Variants in TRDN observed in about 807,000 individuals in gnomAD.
TRDN encodes the protein triadin, also known as triadin in skeletal muscle.
A neutral mutation model predicts 149.7 loss-of-function variants in TRDN; 161 were observed. The observed-to-expected ratio is 1.08, with a 90% CI of 0.95 to 1.23. TRDN has a LOEUF of 1.23. TRDN is among the 50% of genes most tolerant of loss of function. The pLI, the probability that TRDN is intolerant of heterozygous loss-of-function variation, is 0.00. For missense variants in TRDN, 896 were observed against 823.5 expected, an observed-to-expected ratio of 1.09 and a Z score of -1.08; for synonymous variants, 294 against 250.5, an observed-to-expected ratio of 1.17 and a Z score of -1.64.
chr6:123,575,185 A>C (rs1057268718), intron 1 of TRDN, among the ~76,000 whole-genome samples: 1 of 151,900 alleles, frequency 6.6e-6, no homozygotes, highest in African/African-American at 2.4e-5. Flanking sequence ...ATATGTTCTG[A>C]GTATACAACC....
chr6:123,258,225 G>C (rs1168175751), intron 35 of TRDN, among the ~76,000 whole-genome samples: 1 of 152,140 alleles, frequency 6.6e-6, no homozygotes, highest in Non-Finnish European at 1.5e-5. Context: ...CTTTCAAAGG[G>C]AATGCTTCCA....
intron 5 of TRDN, chr6:123,529,061 C>G: frequency 1.4e-6 from 2 of 1,421,460 alleles, no homozygotes; most frequent in Non-Finnish European, 1.8e-6. Flanking sequence ...TCTTTGACAT[C>G]AGAATTCTAA....
chr6:123,498,385 G>C (rs1778538669), intron 8 of TRDN: 1 of 315,142 alleles, frequency 3.2e-6, no homozygotes, highest in Non-Finnish European at 6.6e-6. Flanking sequence ...AATTCTGTTA[G>C]GTCTTTAAAA....
chr6:123,252,699 C>G (rs1235262712), intron 37 of TRDN, among the ~76,000 whole-genome samples: 1 of 152,068 alleles, frequency 6.6e-6, no homozygotes, highest in Non-Finnish European at 1.5e-5. Context: ...CAGCTCACTG[C>G]AGCCTCAAAT....
chr6:123,578,776 C>T (rs1217936218), intron 1 of TRDN, among the ~76,000 whole-genome samples: 2 of 152,062 alleles, frequency 1.3e-5, no homozygotes, highest in Non-Finnish European at 2.9e-5. Flanking sequence ...TTATTTTTAT[C>T]CGTGAGCATG....
At chr6:123,604,366 A>G (rs1784422355) in intron 1 of TRDN, among the ~76,000 whole-genome samples, 3 of 152,250 alleles carry the variant, frequency 2.0e-5, no homozygotes, top group Admixed American at 2.0e-4. Context: ...CCGGAGGCAA[A>G]GACACTTGTA....
intron 39 of TRDN, among the ~76,000 whole-genome samples, chr6:123,222,725 T>G (rs1316323155): frequency 6.6e-6 from 1 of 151,690 alleles, no homozygotes; most frequent in East Asian, 1.9e-4. Flanking sequence ...AAATACTTTT[T>G]TTTTATATGC....
At chr6:123,239,175 A>G (rs906751296) in intron 38 of TRDN, among the ~76,000 whole-genome samples, 14 of 152,222 alleles carry the variant, frequency 9.2e-5, no homozygotes, top group Non-Finnish European at 1.5e-4. Context: ...TAAGGGATAT[A>G]GAAGTCATCA....
chr6:123,514,260 C>T (rs1201205401), intron 6 of TRDN, among the ~76,000 whole-genome samples: 1 of 151,978 alleles, frequency 6.6e-6, no homozygotes, highest in East Asian at 1.9e-4. Context: ...CATGCTGAGG[C>T]ATGAGAATCT....
chr6:123,426,326 A>G (rs1774117780), intron 12 of TRDN, among the ~76,000 whole-genome samples: 1 of 152,168 alleles, frequency 6.6e-6, no homozygotes. Flanking sequence ...GTAGTCTCAG[A>G]AAAGAGAGAG....
chr6:123,504,008 G>T, intron 7 of TRDN, 107 bp from the exon 8 acceptor site: 1 of 1,246,218 alleles, frequency 8.0e-7, no homozygotes, highest in Admixed American at 2.9e-5. Context: ...GGGAAGAAAG[G>T]TAAGTCACAA....
intron 38 of TRDN, among the ~76,000 whole-genome samples, chr6:123,230,158 T>C (rs540784882): frequency 2.8e-4 from 42 of 152,042 alleles, no homozygotes; most frequent in African/African-American, 9.9e-4. Flanking sequence ...AGTGATAGAC[T>C]GGAATAAGAA....
intron 9 of TRDN, chr6:123,488,661 T>G (rs994263440): frequency 3.3e-5 from 5 of 151,974 alleles, no homozygotes; most frequent in African/African-American, 1.2e-4. Context: ...TTGTTGATCT[T>G]TTTAATTTCA....
chr6:123,443,670 T>G (rs1031450066), intron 10 of TRDN, among the ~76,000 whole-genome samples: 1 of 151,762 alleles, frequency 6.6e-6, no homozygotes, highest in African/African-American at 2.4e-5. Flanking sequence ...GTTTAAGTCT[T>G]TAATCCATCT....
intron 24 of TRDN, among the ~76,000 whole-genome samples, chr6:123,282,637 T>G (rs1314505700): frequency 1.3e-5 from 2 of 151,840 alleles, no homozygotes; most frequent in Non-Finnish European, 2.9e-5. Flanking sequence ...TAGAAAAAAG[T>G]AAACTTTCCA....
chr6:123,393,529 G>T (rs987161552), intron 13 of TRDN, 95 bp downstream of exon 13: 2 of 1,075,082 alleles, frequency 1.9e-6, no homozygotes, highest in Non-Finnish European at 2.7e-6. Context: ...CCAGCAGATG[G>T]TGCTATTCTG....
Position 123,256,121 on chromosome 6 carries a change from G to A in TRDN, c.1871-219C>T, listed in dbSNP as rs113075572. On this transcript the variant is annotated intron_variant, in intron 35 of 40. Transcript: ENST00000334268. ...CACCCTCAGAGAGGCCCCAATGTGT[G>A]ATGTTCCCATCCCTGTGCCCATGTG... Among the ~76,000 whole-genome samples the A allele has an allele frequency of 0.02, 3,032 of 152,014 alleles. 90 individuals are homozygous for A. Among genetic ancestry groups the A allele is most frequent in the South Asian group, 0.077 (369 of 4,820 alleles).
At chr6:123,227,294 A>T (rs1337887367) in intron 38 of TRDN, among the ~76,000 whole-genome samples, 1 of 151,944 alleles carries the variant, frequency 6.6e-6, no homozygotes, top group African/African-American at 2.4e-5. Context: ...CAAAAGAATG[A>T]AATAGAACTA....
intron 4 of TRDN, among the ~76,000 whole-genome samples, chr6:123,547,049 A>G (rs1781147698): frequency 6.6e-6 from 1 of 152,114 alleles, no homozygotes; most frequent in African/African-American, 2.4e-5. Flanking sequence ...GGCCATTTCT[A>G]AGGCTACAGA....
Sources: gnomAD v4.1 joint callset for allele counts (sites outside exome capture counted in the v4.1 genomes callset) on GRCh38, gnomAD v4.1.1 for gene constraint, MANE v1.5 for transcripts, NCBI Gene and HGNC (gene_info 2026-07-23, HGNC 2026-07-21) for gene names.